Variants in SGCZ observed in about 807,000 individuals in gnomAD.
The protein encoded by SGCZ is zeta-sarcoglycan.
A neutral mutation model predicts 41.3 loss-of-function variants in SGCZ; 40 were observed. That is an observed-to-expected ratio of 0.97 (90% confidence interval 0.75 to 1.26). The LOEUF (loss-of-function observed/expected upper bound fraction) is 1.26. Among genes scored for constraint, SGCZ ranks in the 50% most tolerant of loss-of-function variants. SGCZ has a pLI of 0.00. For synonymous variants in SGCZ, 206 were observed against 137.5 expected, an observed-to-expected ratio of 1.50 and a Z score of -3.49; for missense variants, 552 against 369.8, an observed-to-expected ratio of 1.49 and a Z score of -4.04.
In SGCZ at chr8:14,702,729, AAT is replaced by A. The variant is rs1563212599; in HGVS notation, c.40-147805_40-147804del. Among the ~76,000 whole-genome samples, 18 of 139,376 alleles carry A rather than the reference AAT, an allele frequency of 1.3e-4. 1 individual carries two copies. The South Asian group carries it at 3.2e-3, about 25-fold the overall frequency. 91.4% of individuals were successfully genotyped at this position (139,376 alleles called of 152,430 possible). A position where few individuals can be genotyped will look rare whatever the true frequency, so the allele number is the denominator to read the frequency against. On this transcript the variant is annotated intron_variant, in intron 1 of 7. Coordinates refer to ENST00000382080, the MANE Select transcript of SGCZ (RefSeq NM_139167.4). ...TATATCAGCAAATTCTGCTGGCTTC[AAT>A]GATAGATAGATAGATAGATAGATAG...
At chr8:14,606,372 C>T (rs1341229828) in intron 1 of SGCZ, among the ~76,000 whole-genome samples, 1 of 152,152 alleles carries the variant, frequency 6.6e-6, no homozygotes, top group African/African-American at 2.4e-5. Flanking sequence ...GCCACAATGG[C>T]TTTGTAATTA....
chr8:14,236,513 A>T (rs1806768012), intron 4 of SGCZ, among the ~76,000 whole-genome samples: 2 of 152,044 alleles, frequency 1.3e-5, no homozygotes, highest in Non-Finnish European at 2.9e-5. Flanking sequence ...TCATATTTCA[A>T]ATGTATTATT....
chr8:14,985,386 G>T (rs536147377), intron 1 of SGCZ, among the ~76,000 whole-genome samples: 14 of 152,198 alleles, frequency 9.2e-5, no homozygotes, highest in African/African-American at 3.4e-4. Context: ...GAGAAAGAAA[G>T]GCATTGCTCT....
intron 2 of SGCZ, among the ~76,000 whole-genome samples, chr8:14,462,289 G>A (rs1449959028): frequency 6.6e-6 from 1 of 151,704 alleles, no homozygotes; most frequent in African/African-American, 2.4e-5. Flanking sequence ...AAAAAAAATG[G>A]AACACACAGG....
chr8:15,077,116 A>T (rs956048715), intron 1 of SGCZ, among the ~76,000 whole-genome samples: 24 of 152,180 alleles, frequency 1.6e-4, no homozygotes, highest in Admixed American at 1.5e-3. Context: ...AATGAAGTGG[A>T]TTCTTTTTTT....
intron 1 of SGCZ, among the ~76,000 whole-genome samples, chr8:14,775,312 A>G (rs1190481628): frequency 2.0e-5 from 3 of 152,144 alleles, no homozygotes; most frequent in Non-Finnish European, 4.4e-5. Flanking sequence ...TCTAAATAGT[A>G]ATATTGAGCA....
At chr8:14,748,825 C>G (rs1345780536) in intron 1 of SGCZ, among the ~76,000 whole-genome samples, 1 of 152,068 alleles carries the variant, frequency 6.6e-6, no homozygotes, top group Non-Finnish European at 1.5e-5. Flanking sequence ...GTGTTACAAT[C>G]CTGACATGTT....
rs140343071 is a variant in SGCZ at position 14,717,996 on chromosome 8, GAT to G, written c.40-163072_40-163071del. 2.1e-3 allele frequency among the ~76,000 whole-genome samples: 299 copies of G among 144,976 alleles called. 5 individuals are homozygous for G. Among genetic ancestry groups the G allele is most frequent in the Middle Eastern group, 6.9e-3 (2 of 290 alleles). ...TGGATAAATGTAAATTCTAAAATAA[GAT>G]ATATATATATATGTAATATGGCTCT... On this transcript the variant is annotated intron_variant, in intron 1 of 7. Coordinates refer to ENST00000382080, the MANE Select transcript of SGCZ (RefSeq NM_139167.4).
chr8:14,424,238 T>A (rs1325172302), intron 2 of SGCZ, among the ~76,000 whole-genome samples: 1 of 152,118 alleles, frequency 6.6e-6, no homozygotes, highest in Non-Finnish European at 1.5e-5. Context: ...TATGATTAAT[T>A]TATGAACAGG....
intron 1 of SGCZ, among the ~76,000 whole-genome samples, chr8:15,199,432 A>G (rs1317541483): frequency 6.6e-6 from 1 of 152,170 alleles, no homozygotes; most frequent in Non-Finnish European, 1.5e-5. Context: ...AATTTGTGTA[A>G]TAAAGTTGAG....
At chr8:14,981,468 G>A (rs1306301160) in intron 1 of SGCZ, among the ~76,000 whole-genome samples, 3 of 152,182 alleles carry the variant, frequency 2.0e-5, no homozygotes, top group Non-Finnish European at 4.4e-5. Flanking sequence ...AGCTGCCTAT[G>A]AGAAAAATCA....
At chr8:14,325,597 T>C (rs1297147460) in intron 2 of SGCZ, among the ~76,000 whole-genome samples, 5 of 147,068 alleles carry the variant, frequency 3.4e-5, no homozygotes, top group Admixed American at 1.4e-4. Context: ...TAATCACATA[T>C]AGTTGATTAT....
At chr8:15,086,102 T>C (rs1805938915) in intron 1 of SGCZ, among the ~76,000 whole-genome samples, 1 of 152,194 alleles carries the variant, frequency 6.6e-6, no homozygotes, top group Admixed American at 6.5e-5. Flanking sequence ...TAAACTTAAT[T>C]AGCATTCTTC....
At chr8:14,752,124 A>G (rs1282612381) in intron 1 of SGCZ, among the ~76,000 whole-genome samples, 7 of 72,220 alleles carry the variant, frequency 9.7e-5, no homozygotes, top group African/African-American at 3.2e-4. Context: ...AAAACAAAAC[A>G]AAAAAGCCAA....
At chr8:14,595,913 G>C (rs185832809) in intron 1 of SGCZ, among the ~76,000 whole-genome samples, 2 of 152,108 alleles carry the variant, frequency 1.3e-5, no homozygotes, top group Non-Finnish European at 2.9e-5. Context: ...AAAAATGTTA[G>C]GTTGTCCAAT....
intron 1 of SGCZ, among the ~76,000 whole-genome samples, chr8:15,011,365 C>G (rs1563434960): frequency 6.6e-6 from 1 of 152,118 alleles, no homozygotes; most frequent in Non-Finnish European, 1.5e-5. Context: ...GGAAAGCATC[C>G]TCACGGTTTT....
chr8:14,843,478 T>A (rs1802995690), intron 1 of SGCZ, among the ~76,000 whole-genome samples: 1 of 152,174 alleles, frequency 6.6e-6, no homozygotes, highest in Admixed American at 6.5e-5. Flanking sequence ...GTTAAGTGCT[T>A]ACTACATGCC....
chr8:14,233,107 C>T (rs897453968), intron 4 of SGCZ, among the ~76,000 whole-genome samples: 17 of 151,922 alleles, frequency 1.1e-4, no homozygotes, highest in African/African-American at 3.9e-4. Context: ...AAACACAAAA[C>T]ACAAAGCTAG....
At chr8:14,100,371 A>T (rs922029320) in intron 7 of SGCZ, among the ~76,000 whole-genome samples, 1 of 151,188 alleles carries the variant, frequency 6.6e-6, no homozygotes, top group African/African-American at 2.4e-5. Flanking sequence ...AATATTTATT[A>T]TGAGCAATTT....
Sources: allele counts gnomAD v4.1 joint callset (sites outside exome capture counted in the v4.1 genomes callset), GRCh38; gene constraint gnomAD v4.1.1; transcripts MANE v1.5; gene names NCBI Gene and HGNC (gene_info 2026-07-23, HGNC 2026-07-21).